The following ANK2 variants were observed in gnomAD, a reference collection of about 807,000 sequenced individuals.
ANK2 encodes ankyrin 2.
A neutral mutation model predicts 360.5 loss-of-function variants in ANK2; 83 were observed. The ratio of observed to expected loss-of-function variants is 0.23; its 90% confidence interval spans 0.19 to 0.28. The LOEUF (loss-of-function observed/expected upper bound fraction) is 0.28, where lower values mean the gene tolerates loss of function less well. ANK2 is among the 10% of genes least tolerant of loss of function. The pLI is 1.00. For missense variants in ANK2, 4,201 were observed against 4,795.7 expected, an observed-to-expected ratio of 0.88 and a Z score of 3.66; for synonymous variants, 1,740 against 1,759.5, an observed-to-expected ratio of 0.99 and a Z score of 0.28.
At chr4:112,925,764 T>C (rs970027497) in intron 2 of ANK2, among the ~76,000 whole-genome samples, 4 of 152,220 alleles carry the variant, frequency 2.6e-5, no homozygotes, top group Non-Finnish European at 4.4e-5. Flanking sequence ...TTAATTAAAG[T>C]TGTAGAGCAT....
intron 1 of ANK2, among the ~76,000 whole-genome samples, chr4:112,824,005 A>C (rs996291560): frequency 6.6e-6 from 1 of 152,080 alleles, no homozygotes; most frequent in African/African-American, 2.4e-5. Flanking sequence ...ATCTGTTTTG[A>C]TTAATGCCGA....
chr4:113,113,416 G>A (rs1193515068), intron 1 of ANK2, among the ~76,000 whole-genome samples: 1 of 152,148 alleles, frequency 6.6e-6, no homozygotes. Context: ...TGTCTGCAGA[G>A]GATTTTCTTT....
intron 7 of ANK2, 48 bp from the exon 8 acceptor site, chr4:113,240,437 A>G: frequency 1.4e-6 from 2 of 1,417,862 alleles, no homozygotes; most frequent in South Asian, 1.1e-5. Context: ...TGGCTGCAAC[A>G]TAGAAAAGTG....
intron 29 of ANK2, among the ~76,000 whole-genome samples, chr4:113,334,156 A>G (rs1057335634): frequency 2.0e-5 from 3 of 152,196 alleles, no homozygotes; most frequent in African/African-American, 7.2e-5. Context: ...TAGCCTGACC[A>G]TCGCTTCTTT....
At chr4:113,146,363 C>T (rs534688464) in intron 1 of ANK2, among the ~76,000 whole-genome samples, 10 of 152,254 alleles carry the variant, frequency 6.6e-5, no homozygotes, top group South Asian at 6.2e-4. Context: ...CAAATTCTTT[C>T]GCCTATTTAT....
At chr4:113,138,554 C>G (rs184538664) in intron 1 of ANK2, among the ~76,000 whole-genome samples, 3 of 152,284 alleles carry the variant, frequency 2.0e-5, no homozygotes, top group African/African-American at 7.2e-5. Flanking sequence ...CTGATGAATG[C>G]CTGGCTGCTG....
intron 2 of ANK2, among the ~76,000 whole-genome samples, chr4:113,180,666 CTT>C (rs1308259566): frequency 2.6e-5 from 4 of 152,072 alleles, no homozygotes; most frequent in African/African-American, 9.7e-5. Context: ...TTAGACTTCT[CTT>C]TAAAAATACT....
intron 4 of ANK2, among the ~76,000 whole-genome samples, chr4:113,225,073 C>T (rs990647839): frequency 6.6e-6 from 1 of 151,956 alleles, no homozygotes; most frequent in Admixed American, 6.6e-5. Context: ...CTACAAACAC[C>T]ACATCTTTTG....
At chr4:112,776,742 A>C in the ANK2 span, among the ~76,000 whole-genome samples, 533 of 152,374 alleles carry the variant, frequency 3.5e-3, 4 homozygotes, top group African/African-American at 0.012. Flanking sequence ...TACATTATGC[A>C]CATGTATTTG....
chr4:113,321,876 G>T (rs1322440090), intron 26 of ANK2, among the ~76,000 whole-genome samples: 1 of 152,140 alleles, frequency 6.6e-6, no homozygotes, highest in South Asian at 2.1e-4. Context: ...GGTACTACAG[G>T]TGTGCACCAC....
rs142686582 is a variant in ANK2 at position 112,840,529 on chromosome 4, G to T, written c.-40+22265G>T. On this transcript the variant is annotated intron_variant, in intron 1 of 30. Transcript: ENST00000503271. The stretch of plus-strand genomic sequence containing the variant: ...GGGAGTGCTGGATGCGGGGATAAGG[G>T]CCACAGGCTTATATACCCAGAGGGT... Among the ~76,000 whole-genome samples, 111 of 152,270 alleles carry T rather than the reference G, an allele frequency of 7.3e-4. 2 individuals are homozygous for T. The East Asian group carries it at 0.019, about 26-fold the overall frequency.
intron 2 of ANK2, among the ~76,000 whole-genome samples, chr4:113,033,009 T>A (rs2154305734): frequency 6.6e-6 from 1 of 152,182 alleles, no homozygotes; most frequent in South Asian, 2.1e-4. Context: ...TGTGCGTCCA[T>A]GTGGAATCAC....
At chr4:113,145,958 C>A (rs1457340785) in intron 1 of ANK2, 3 of 1,289,798 alleles carry the variant, frequency 2.3e-6, no homozygotes, top group East Asian at 1.1e-4. Flanking sequence ...AAACCCCAGA[C>A]TACTATGGCT....
At chr4:113,270,882 G>A (rs1268892394) in intron 14 of ANK2, among the ~76,000 whole-genome samples, 4 of 152,170 alleles carry the variant, frequency 2.6e-5, no homozygotes, top group Non-Finnish European at 5.9e-5. Context: ...CACCATGTGT[G>A]TTTTATTGTC....
At chr4:113,190,574 T>C (rs1448224560) in intron 2 of ANK2, among the ~76,000 whole-genome samples, 1 of 151,904 alleles carries the variant, frequency 6.6e-6, no homozygotes, top group Non-Finnish European at 1.5e-5. Flanking sequence ...TATTAAAAAA[T>C]AGAGCTAATG....
At chr4:113,316,628 T>C (rs892571825) in intron 24 of ANK2, among the ~76,000 whole-genome samples, 3 of 152,248 alleles carry the variant, frequency 2.0e-5, no homozygotes, top group African/African-American at 7.2e-5. Flanking sequence ...GTATCTCCTT[T>C]TTTTCCCTTA....
At chr4:113,196,905 C>T (rs13149445) in intron 3 of ANK2, among the ~76,000 whole-genome samples, 528 of 152,258 alleles carry the variant, frequency 3.5e-3, no homozygotes, top group Non-Finnish European at 6.1e-3. Context: ...TTAAAACCCC[C>T]TCCATTAAAC....
At chr4:112,842,113 G>A (rs57892758) in intron 1 of ANK2, among the ~76,000 whole-genome samples, 4,472 of 151,932 alleles carry the variant, frequency 0.029, 139 homozygotes, top group African/African-American at 0.073. Flanking sequence ...AGGTTCAAGT[G>A]ATTCTCCTGC....
the ANK2 span, among the ~76,000 whole-genome samples, chr4:112,811,663 C>G: frequency 2.6e-5 from 4 of 152,214 alleles, no homozygotes; most frequent in Admixed American, 2.6e-4. Context: ...CCATTGCTGA[C>G]TGTTGTCTGA....
Sources: allele counts gnomAD v4.1 joint callset (sites outside exome capture counted in the v4.1 genomes callset), GRCh38; gene constraint gnomAD v4.1.1; transcripts MANE v1.5; gene names NCBI Gene and HGNC (gene_info 2026-07-23, HGNC 2026-07-21).